ANK2: variants seen among roughly 807,000 people sequenced by gnomAD.
The protein encoded by ANK2 is ankyrin-2.
A neutral mutation model predicts 360.5 loss-of-function variants in ANK2; 83 were observed. That is an observed-to-expected ratio of 0.23 (90% CI 0.19 to 0.28). The LOEUF is 0.28. Ranked by LOEUF, ANK2 falls within the 10% of genes least tolerant of loss-of-function variation. ANK2 has a pLI of 1.00. For missense variants in ANK2, 4,201 were observed against 4,795.7 expected, an observed-to-expected ratio of 0.88 and a Z score of 3.66; for synonymous variants, 1,740 against 1,759.5, an observed-to-expected ratio of 0.99 and a Z score of 0.28.
At chr4:113,361,043 T>C in intron 39 of ANK2, 146 bp downstream of exon 39, 1 of 764,098 alleles carries the variant, frequency 1.3e-6, no homozygotes, top group South Asian at 1.5e-5. Context: ...AAACCTGGGC[T>C]CTGCATCAGC....
chr4:112,895,442 C>A (rs1285173941), intron 1 of ANK2, among the ~76,000 whole-genome samples: 1 of 152,140 alleles, frequency 6.6e-6, no homozygotes, highest in Non-Finnish European at 1.5e-5. Context: ...TCATTAGTGA[C>A]CATCAGGATT....
rs2055079748 is a variant in ANK2 at position 113,264,901 on chromosome 4, G to T, written c.1391G>T (p.Gly464Val). ...GASPDVTNIR[G>V]ETALHMAARA... ...ACGATCTTTGTTCCCTGGCAGCGTG[G>T]TGAGACGGCACTACACATGGCAGCC... The change falls in exon 14 of 46, where the codon GGT (glycine) becomes GTT (valine). Residue 464 changes from glycine to valine, a missense_variant. This residue lies in a region of ANK2 where 1,268 missense variants were observed against 1,650.8 expected (regional missense o/e 0.77). Coordinates refer to ENST00000357077, the MANE Select transcript of ANK2 (RefSeq NM_001148.6). 4 of 1,561,666 alleles carry T rather than the reference G, an allele frequency of 2.6e-6. No individual in the cohort carries two copies. The highest frequency in any genetic ancestry group is 3.5e-6 in the Non-Finnish European group (4 of 1,152,022).
intron 4 of ANK2, among the ~76,000 whole-genome samples, chr4:113,200,535 G>A (rs1300763877): frequency 1.3e-5 from 2 of 152,076 alleles, no homozygotes; most frequent in Admixed American, 6.5e-5. Context: ...ATGTCCATGT[G>A]AACTCATTGT....
At chr4:113,339,386 GTTTTA>G in intron 32 of ANK2, 64 bp downstream of exon 32, 1 of 1,245,694 alleles carries the variant, frequency 8.0e-7, no homozygotes, top group Non-Finnish European at 1.2e-6. Flanking sequence ...ACTGCCCTTT[GTTTTA>G]TTTTGTTTCT....
At chr4:113,177,006 A>C (rs1324069011) in intron 2 of ANK2, among the ~76,000 whole-genome samples, 2 of 152,152 alleles carry the variant, frequency 1.3e-5, no homozygotes, top group Non-Finnish European at 2.9e-5. Flanking sequence ...TATATGTGCC[A>C]CATTTTCTTA....
At chr4:112,858,598 G>A (rs547915799) in intron 1 of ANK2, among the ~76,000 whole-genome samples, 3 of 152,242 alleles carry the variant, frequency 2.0e-5, no homozygotes, top group South Asian at 2.1e-4. Flanking sequence ...TCTGTTCTTC[G>A]CATTCTTAGT....
the ANK2 span, among the ~76,000 whole-genome samples, chr4:112,725,357 C>CTTTTT: frequency 2.7e-5 from 2 of 73,592 alleles, no homozygotes; most frequent in Non-Finnish European, 5.0e-5. Flanking sequence ...AAGACACAGT[C>CTTTTT]TTTTTTTTTT....
chr4:113,269,272 A>G (rs556684606), intron 14 of ANK2, among the ~76,000 whole-genome samples: 3 of 152,168 alleles, frequency 2.0e-5, no homozygotes, highest in African/African-American at 7.2e-5. Flanking sequence ...CCCCCTTTCC[A>G]GGGGAGTGAA....
At chr4:113,001,331 CAAAA>C (rs11310852) in intron 2 of ANK2, among the ~76,000 whole-genome samples, 3 of 84,212 alleles carry the variant, frequency 3.6e-5, no homozygotes, top group African/African-American at 4.6e-5. Flanking sequence ...AACTCTGTCT[CAAAA>C]AAAAAAAAAA....
chr4:113,376,393 AT>A (rs1027304224), intron 45 of ANK2, among the ~76,000 whole-genome samples: 2 of 152,248 alleles, frequency 1.3e-5, no homozygotes, highest in South Asian at 2.1e-4. Context: ...AAGATTAAAA[AT>A]GTTCTACCTG....
chr4:112,959,428 G>A lies in ANK2; in HGVS notation c.21+54914G>A, dbSNP rs1336042843. Among the ~76,000 whole-genome samples, 3 of 152,226 alleles carry A rather than the reference G, an allele frequency of 2.0e-5. No individual in the cohort carries two copies. In the East Asian group the frequency reaches 5.8e-4, roughly 29 times the overall value. ...CTTCCTCTCTCCCGCAGATAAAAGG[G>A]TGCTCCTTGGGCTTTAAAAATTATT... On this transcript the variant is annotated intron_variant, in intron 2 of 30. Transcript: ENST00000503271.
At chr4:113,127,639 A>G (rs1202876817) in intron 1 of ANK2, among the ~76,000 whole-genome samples, 1 of 152,106 alleles carries the variant, frequency 6.6e-6, no homozygotes, top group African/African-American at 2.4e-5. Flanking sequence ...TTGAACATAG[A>G]AGCTGGTGAA....
rs184753717 is a variant in ANK2, at chr4:113,360,044, T to C, written c.10681+745T>C. ...GATGGCTTTGAAAAGTAGCCTGTGTTCTTCCAATATCTCTACAATGAAGAC... is the reference window on the plus strand; with the variant it reads ...GATGGCTTTGAAAAGTAGCCTGTGTCCTTCCAATATCTCTACAATGAAGAC... On this transcript the variant is annotated intron_variant, in intron 38 of 45. Transcript: ENST00000357077. Among the ~76,000 whole-genome samples, 568 of 152,270 alleles carry C rather than the reference T, an allele frequency of 3.7e-3. 12 individuals carry two copies. Among genetic ancestry groups the C allele is most frequent in the Non-Finnish European group, 9.4e-4 (64 of 68,012 alleles).
intron 15 of ANK2, among the ~76,000 whole-genome samples, chr4:113,277,305 T>G (rs2060595665): frequency 6.6e-6 from 1 of 152,200 alleles, no homozygotes; most frequent in Admixed American, 6.5e-5. Flanking sequence ...ATAGTACATG[T>G]TTTTTGTTCT....
chr4:113,246,806 A>G (rs2043120967), intron 9 of ANK2, among the ~76,000 whole-genome samples: 1 of 152,186 alleles, frequency 6.6e-6, no homozygotes, highest in South Asian at 2.1e-4. Context: ...GTACTCTACA[A>G]ATATCATCTT....
rs140042254 is a variant in ANK2 at position 113,356,596 on chromosome 4, G to C, written c.7978G>C (p.Val2660Leu). ...PVLVTSESRK[V>L]SSSSESEPEL... ...GTTAGTAACTTCGGAGAGCAGGAAG[G>C]TGTCTTCCTCCTCAGAAAGTGAACC... The change falls in exon 38 of 46, where the codon GTG (valine) becomes CTG (leucine). Residue 2660 changes from valine (V) to leucine (L), a missense_variant. Coordinates refer to ENST00000357077, the MANE Select transcript of ANK2 (RefSeq NM_001148.6). The C allele has an allele frequency of 3.7e-6, 6 of 1,613,968 alleles. No individual in the cohort carries two copies. In the African/African-American group the frequency reaches 6.7e-5, roughly 18 times the overall value.
In ANK2 at chr4:113,287,661, T is replaced by C; in HGVS notation, c.2136T>C (p.Asp712=). The change falls in exon 19 of 46, where the codon GAT becomes GAC. Residue 712 remains aspartate, a synonymous_variant. Transcript: ENST00000357077. ...AAQEDKVNVA[D]ILTKHGADQD... is the part of the protein sequence containing the mutation. Reference sequence around the variant, plus strand: ...AGGAAGATAAAGTGAATGTTGCTGATATTCTCACCAAGCATGGAGCTGATC... The same window carrying C: ...AGGAAGATAAAGTGAATGTTGCTGACATTCTCACCAAGCATGGAGCTGATC... 6.2e-7 allele frequency: 1 copy of C among 1,613,622 alleles called. No individual in the cohort carries two copies.
At chr4:112,763,117 T>A in the ANK2 span, among the ~76,000 whole-genome samples, 1 of 152,164 alleles carries the variant, frequency 6.6e-6, no homozygotes, top group Admixed American at 6.5e-5. Context: ...GAGTGGGGGC[T>A]GGGCGCGGTG....
At chr4:113,001,118 T>C (rs2050486030) in intron 2 of ANK2, among the ~76,000 whole-genome samples, 2 of 152,078 alleles carry the variant, frequency 1.3e-5, no homozygotes, top group Non-Finnish European at 2.9e-5. Flanking sequence ...GTGGATCACC[T>C]GTCAGGAATT....
Sources: allele counts gnomAD v4.1 joint callset (sites outside exome capture counted in the v4.1 genomes callset), GRCh38; gene constraint gnomAD v4.1.1; regional missense constraint gnomAD v4.1.1; transcripts MANE v1.5; gene names NCBI Gene and HGNC (gene_info 2026-07-23, HGNC 2026-07-21).